NELFA: variants seen among roughly 807,000 people sequenced by gnomAD.
The protein encoded by NELFA is negative elongation factor A.
NELFA carries 35 observed loss-of-function variants against 51.8 expected under a neutral mutation model. The ratio of observed to expected loss-of-function variants is 0.68; its 90% CI spans 0.52 to 0.90. The LOEUF (loss-of-function observed/expected upper bound fraction) is 0.90, where lower values mean the gene tolerates loss of function less well. Ranked by LOEUF, NELFA falls within the 40% of genes least tolerant of loss-of-function variation. The pLI is 0.00. For missense variants in NELFA, 658 were observed against 746.4 expected, an observed-to-expected ratio of 0.88 and a Z score of 1.38; for synonymous variants, 417 against 338.4, an observed-to-expected ratio of 1.23 and a Z score of -2.55.
intron 1 of NELFA, among the ~76,000 whole-genome samples, chr4:1,995,429 T>C (rs1728395338): frequency 6.6e-6 from 1 of 152,196 alleles, no homozygotes; most frequent in Non-Finnish European, 1.5e-5. Context: ...ATCCCTAAGA[T>C]ACCAGACCCC....
rs1479310840 is a variant in NELFA at position 1,989,211 on chromosome 4, G to A, written c.544+497C>T. ...TCTGCTGGCCTCAGCCTCCCAAAGT[G>A]CTGGGTTTACAGGTGTGAGCCACCA... is the stretch of plus-strand genomic sequence containing the variant. On this transcript the variant is annotated intron_variant, in intron 3 of 10. Transcript: ENST00000382882. The surrounding 1 kb of genome is among the most constrained non-coding windows in gnomAD (Gnocchi z 4.8). Among the ~76,000 whole-genome samples, 1 of 152,180 alleles carries A rather than the reference G, an allele frequency of 6.6e-6. No homozygotes were observed.
chr4:1,992,192 G>T (rs537213712), intron 1 of NELFA: 279 of 222,294 alleles, frequency 1.3e-3, no homozygotes, highest in African/African-American at 6.3e-3. Flanking sequence ...AGGGGGTGGG[G>T]CCTGGGACCT....
chr4:1,991,193 G>C (rs996018422), intron 2 of NELFA, among the ~76,000 whole-genome samples: 2 of 152,214 alleles, frequency 1.3e-5, no homozygotes, highest in East Asian at 3.8e-4. Flanking sequence ...CTCTGGGCCA[G>C]GGAATGCTCT....
At chr4:1,988,657 G>T (rs932173446) in intron 3 of NELFA, among the ~76,000 whole-genome samples, 1 of 152,266 alleles carries the variant, frequency 6.6e-6, no homozygotes, top group African/African-American at 2.4e-5. Flanking sequence ...TGGAAACGGG[G>T]TATTGATGTA....
chr4:1,995,354 A>C (rs960413817), intron 1 of NELFA, among the ~76,000 whole-genome samples: 1 of 152,236 alleles, frequency 6.6e-6, no homozygotes. Context: ...GAACACATCC[A>C]GCCCAGTCAT....
At chr4:2,008,397 G>T (rs1405191591) in intron 1 of NELFA, among the ~76,000 whole-genome samples, 1 of 151,254 alleles carries the variant, frequency 6.6e-6, no homozygotes, top group Non-Finnish European at 1.5e-5. Context: ...GATCCCAGGG[G>T]AGGTGAAAAC....
intron 1 of NELFA, among the ~76,000 whole-genome samples, chr4:2,008,489 C>A (rs1438502160): frequency 3.7e-5 from 5 of 135,184 alleles, no homozygotes; most frequent in Admixed American, 1.5e-4. Flanking sequence ...GCGGGGGGTC[C>A]TGAAGACCCA....
At chr4:1,999,385 T>C (rs231199) in intron 1 of NELFA, among the ~76,000 whole-genome samples, 39,393 of 151,748 alleles carry the variant, frequency 0.26, 5,211 homozygotes, top group East Asian at 0.31. Flanking sequence ...ATTGGTGTGC[T>C]GTATGCAGAA....
rs1727955537 is a variant in NELFA at position 1,983,392 on chromosome 4, A to G, written c.1514T>C (p.Val505Ala). 1 of 1,614,164 alleles carries G rather than the reference A, an allele frequency of 6.2e-7. No individual in the cohort carries two copies. The highest frequency in any genetic ancestry group is 8.5e-7 in the Non-Finnish European group (1 of 1,180,018). ...GCCCGTGGCATAGTTCATCTCAAAC[A>G]CTGTGTCCACCAGCATGGTTGTGCT... ...QGSTTMLVDT[V>A]FEMNYATGQW... is the part of the protein sequence containing the mutation. Residue 505 changes from valine to alanine, a missense_variant, in exon 11 of 11, where the codon GTG becomes GCG. By Grantham distance (64) the Val-to-Ala change is moderately conservative. Coordinates refer to ENST00000382882, the MANE Select transcript of NELFA (RefSeq NM_005663.5).
At chr4:1,985,453 C>T (rs1227094976) in intron 7 of NELFA, among the ~76,000 whole-genome samples, 1 of 152,116 alleles carries the variant, frequency 6.6e-6, no homozygotes, top group Admixed American at 6.5e-5. Flanking sequence ...CTGTCCTGCA[C>T]CCATTCACGG....
chr4:1,990,430 C>T (rs1263898288), intron 2 of NELFA: 1 of 456,628 alleles, frequency 2.2e-6, no homozygotes, highest in Non-Finnish European at 4.4e-6. Context: ...GGAGAAAAAG[C>T]ACAGGCAGGC....
chr4:1,988,108 C>G, intron 3 of NELFA, 101 bp from the exon 4 acceptor site: 1 of 971,130 alleles, frequency 1.0e-6, no homozygotes, highest in Non-Finnish European at 1.5e-6. Flanking sequence ...CGGCCTGAGC[C>G]GTGAACGCTG....
Position 1,984,120 on chromosome 4 carries a change from G to C in NELFA, c.1037-7C>G, listed in dbSNP as rs900635436. On this transcript the variant is annotated splice_polypyrimidine_tract_variant and splice_region_variant and intron_variant, in intron 8 of 10. Coordinates refer to ENST00000382882, the MANE Select transcript of NELFA (RefSeq NM_005663.5). ...GCTTCCCGGGAAGATGGGGCTGCAA[G>C]TAGACCGGGGCCTGGTGAGGGGGCT... The C allele has an allele frequency of 6.5e-7, 1 of 1,546,810 alleles. No homozygotes were observed.
intron 4 of NELFA, 50 bp from the exon 5 acceptor site, chr4:1,986,452 C>A: frequency 1.3e-6 from 2 of 1,596,758 alleles, no homozygotes; most frequent in South Asian, 1.1e-5. Flanking sequence ...CGGCAAACGT[C>A]CCCCACCCCG....
At chr4:2,000,243 AAACT>A (rs1370286079) in intron 1 of NELFA, among the ~76,000 whole-genome samples, 2 of 152,166 alleles carry the variant, frequency 1.3e-5, no homozygotes, top group Middle Eastern at 3.2e-3. Context: ...GCAAGAGAGC[AAACT>A]AACCCCAAAG....
rs747827755 is a variant in NELFA at position 1,983,223 on chromosome 4, C to T, written c.*96G>A. The T allele has an allele frequency of 1.3e-5, 18 of 1,343,840 alleles. No individual in the cohort carries two copies. The highest frequency in any genetic ancestry group is 1.1e-4 in the Admixed American group (5 of 44,630). 83.2% of individuals were successfully genotyped at this position (1,343,840 alleles called of 1,614,324 possible). On this transcript the variant is annotated 3_prime_UTR_variant, in exon 11 of 11. Coordinates refer to ENST00000382882, the MANE Select transcript of NELFA (RefSeq NM_005663.5). ...CAGCAGGGCGGCGGCCGGGGGACCTCGGGGGCCAGGTGTCCGCCATCCGGT... is the reference window on the plus strand; with the variant it reads ...CAGCAGGGCGGCGGCCGGGGGACCTTGGGGGCCAGGTGTCCGCCATCCGGT...
chr4:1,987,699 G>A (rs1014185105), intron 4 of NELFA: 5 of 550,462 alleles, frequency 9.1e-6, no homozygotes, highest in Admixed American at 3.4e-5. Flanking sequence ...CTCAGATCCC[G>A]GCCCTCCTGT....
At chr4:1,988,773 T>C (rs913453851) in intron 3 of NELFA, among the ~76,000 whole-genome samples, 4 of 151,808 alleles carry the variant, frequency 2.6e-5, no homozygotes, top group African/African-American at 9.7e-5. Flanking sequence ...ATCTTTCAAG[T>C]GGAATTGAGA....
In NELFA at chr4:1,989,616, C is replaced by G; in HGVS notation, c.544+92G>C. On this transcript the variant is annotated intron_variant, in intron 3 of 10. Transcript: ENST00000382882. This position sits in a 1 kb window ranked among gnomAD's most constrained non-coding sequence, Gnocchi z 4.8. ...CCACCATGCCTGGCCCAGAACGCCACCTTGAAGGGGCAGTCTTGGTACCTT... is the reference window on the plus strand; with the variant it reads ...CCACCATGCCTGGCCCAGAACGCCAGCTTGAAGGGGCAGTCTTGGTACCTT... 7.1e-7 allele frequency: 1 copy of G among 1,414,882 alleles called. No individual in the cohort carries two copies. Among genetic ancestry groups the G allele is most frequent in the Non-Finnish European group, 9.5e-7 (1 of 1,047,908 alleles). 87.6% of individuals were successfully genotyped at this position (1,414,882 alleles called of 1,614,324 possible).
Sources: gnomAD v4.1 joint callset for allele counts (sites outside exome capture counted in the v4.1 genomes callset) on GRCh38, gnomAD v4.1.1 for gene constraint, Gnocchi (gnomAD v3.1) non-coding constraint, MANE v1.5 for transcripts, NCBI Gene and HGNC (gene_info 2026-07-23, HGNC 2026-07-21) for gene names.